Variants in LIMK2 observed in about 807,000 individuals in gnomAD.
The protein encoded by LIMK2 is LIM domain kinase 2.
In LIMK2, 35 loss-of-function variants were observed where a neutral mutation model predicts 75.7. That is an observed-to-expected ratio of 0.46 (90% CI 0.35 to 0.61). LIMK2 has a LOEUF of 0.61. Ranked by LOEUF, LIMK2 falls within the 20% of genes least tolerant of loss-of-function variation. The pLI, the probability that LIMK2 is intolerant of heterozygous loss-of-function variation, is 0.00. For missense variants in LIMK2, 623 were observed against 831.0 expected (o/e 0.75, Z 3.08); for synonymous variants, 301 against 319.2 (o/e 0.94, Z 0.61).
intron 2 of LIMK2, among the ~76,000 whole-genome samples, chr22:31,250,377 G>A (rs1490698331): frequency 6.6e-6 from 1 of 152,110 alleles, no homozygotes; most frequent in African/African-American, 2.4e-5. Context: ...AACTTCTCAG[G>A]AAGAGGAGAA....
chr22:31,250,840 AG>A (rs2048718027), intron 2 of LIMK2, among the ~76,000 whole-genome samples: 1 of 152,214 alleles, frequency 6.6e-6, no homozygotes, highest in Non-Finnish European at 1.5e-5. Flanking sequence ...GCTCCTGAAC[AG>A]GGTCCTTGCT....
chr22:31,262,712 A>G lies in LIMK2; in HGVS notation c.775A>G (p.Asn259Asp), dbSNP rs773511360. 11 of 1,614,022 alleles carry G rather than the reference A, an allele frequency of 6.8e-6. No homozygotes were observed. The highest frequency in any genetic ancestry group is 8.5e-6 in the Non-Finnish European group (10 of 1,180,020). The part of the protein sequence containing the change: ...LEARLAPHMQ[N>D]AGHPHALSTL... Reference sequence around the variant, plus strand: ...GGCCCGGCTCGCTCCTCACATGCAGAATGCCGGACACCCCCACGCCCTCAG... The same window carrying G: ...GGCCCGGCTCGCTCCTCACATGCAGGATGCCGGACACCCCCACGCCCTCAG... Residue 259 changes from asparagine (N) to aspartate (D), a missense_variant, in exon 7 of 16, where the codon AAT (asparagine) becomes GAT (aspartate). Asn to Asp is a conservative substitution (Grantham distance 23). Around this residue, in one of 3 missense-constraint regions of LIMK2, gnomAD observed 514 missense variants for 661.3 expected, o/e 0.78. Coordinates refer to ENST00000331728, the MANE Select transcript of LIMK2 (RefSeq NM_005569.4). This position sits in a 1 kb window ranked among gnomAD's most constrained non-coding sequence, Gnocchi z 5.0.
chr22:31,219,772 C>T (rs1212612727), intron 1 of LIMK2, among the ~76,000 whole-genome samples: 1 of 152,110 alleles, frequency 6.6e-6, no homozygotes, highest in Admixed American at 6.6e-5. Flanking sequence ...TAGGGTTTCA[C>T]CGTGTTAGCC....
chr22:31,251,239 T>G (rs2048722831), intron 2 of LIMK2, among the ~76,000 whole-genome samples: 1 of 152,240 alleles, frequency 6.6e-6, no homozygotes, highest in South Asian at 2.1e-4. Context: ...GAATTTCACT[T>G]AATGTCCAAT....
intron 1 of LIMK2, among the ~76,000 whole-genome samples, chr22:31,216,581 C>T (rs1257289840): frequency 6.6e-6 from 1 of 152,108 alleles, no homozygotes; most frequent in Non-Finnish European, 1.5e-5. Context: ...GAAGAAGGCA[C>T]CAACCAATAA....
In LIMK2 at chr22:31,262,648, T is replaced by C. The variant is rs2048852415; in HGVS notation, c.711T>C (p.His237=). The C allele has an allele frequency of 6.2e-7, 1 of 1,614,164 alleles. No individual in the cohort carries two copies. The highest frequency in any genetic ancestry group is 2.2e-5 in the East Asian group (1 of 44,884). The part of the protein sequence containing the change: ...TSQTLQLLIE[H]DPVSQRLDQL... ...AGACACTTCAGCTGTTGATTGAACA[T>C]GACCCCGTCTCCCAACGCCTGGACC... Residue 237 remains histidine (H), a synonymous_variant, in exon 7 of 16, where the codon CAT becomes CAC. Transcript: ENST00000331728. The surrounding 1 kb of genome is among the most constrained non-coding windows in gnomAD (Gnocchi z 5.0).
intron 2 of LIMK2, among the ~76,000 whole-genome samples, chr22:31,257,347 T>C (rs1011960205): frequency 6.6e-6 from 1 of 152,184 alleles, no homozygotes; most frequent in Non-Finnish European, 1.5e-5. Context: ...TCATGATTTG[T>C]TAATGTTATG....
At chr22:31,267,156 A>G in intron 9 of LIMK2, 86 bp downstream of exon 9, 1 of 760,656 alleles carries the variant, frequency 1.3e-6, no homozygotes, top group Non-Finnish European at 2.2e-6. Flanking sequence ...GAGAAAATAC[A>G]GTTTGGAATT....
chr22:31,227,985 G>A (rs1200834695), intron 2 of LIMK2, among the ~76,000 whole-genome samples: 12 of 151,960 alleles, frequency 7.9e-5, no homozygotes, highest in Admixed American at 7.9e-4. Flanking sequence ...TCATTTGTAG[G>A]TCTAGTCAGA....
chr22:31,241,096 T>G (rs2048620306), intron 2 of LIMK2, among the ~76,000 whole-genome samples: 1 of 152,116 alleles, frequency 6.6e-6, no homozygotes, highest in Non-Finnish European at 1.5e-5. Context: ...TTGTTTAAAA[T>G]GCAGATTCTT....
intron 4 of LIMK2, 143 bp from the exon 5 acceptor site, chr22:31,259,746 C>A: frequency 9.2e-6 from 6 of 650,092 alleles, no homozygotes; most frequent in Non-Finnish European, 9.5e-6. Context: ...GCTCCTCATT[C>A]TGAGCAGCCA....
chr22:31,277,093 G>C lies in LIMK2; in HGVS notation c.1773-1204G>C, dbSNP rs1054411543. ...AGAGGCCTTCATCTCTGGCCTGCTG[G>C]ACAAGATCCGGGCCATGCAGAAGCT... On this transcript the variant is annotated intron_variant, in intron 15 of 15. Coordinates refer to ENST00000331728, the MANE Select transcript of LIMK2 (RefSeq NM_005569.4). 19 of 1,613,936 alleles carry C rather than the reference G, an allele frequency of 1.2e-5. No homozygotes were observed. The highest frequency in any genetic ancestry group is 1.5e-5 in the Non-Finnish European group (18 of 1,179,872).
intron 2 of LIMK2, chr22:31,248,745 A>G (rs201583383): frequency 6.2e-7 from 1 of 1,614,122 alleles, no homozygotes; most frequent in African/African-American, 1.3e-5. Flanking sequence ...GTCCCGGCTT[A>G]CTTCACCTCC....
intron 2 of LIMK2, among the ~76,000 whole-genome samples, chr22:31,256,386 G>A (rs770754978): frequency 6.6e-6 from 1 of 151,266 alleles, no homozygotes; most frequent in Non-Finnish European, 1.5e-5. Flanking sequence ...TGTCACCCAG[G>A]CTGGAGTGCA....
chr22:31,220,569 T>C (rs1555884901), intron 1 of LIMK2, among the ~76,000 whole-genome samples: 2 of 152,118 alleles, frequency 1.3e-5, no homozygotes, highest in African/African-American at 2.4e-5. Flanking sequence ...GAGAAACATA[T>C]GCAGTGAACT....
intron 2 of LIMK2, among the ~76,000 whole-genome samples, chr22:31,243,435 A>G (rs1214827481): frequency 1.3e-5 from 2 of 152,160 alleles, no homozygotes; most frequent in Non-Finnish European, 2.9e-5. Flanking sequence ...TGGGTTTTGA[A>G]TTGTTTGACC....
In LIMK2 at chr22:31,272,569, C is replaced by T; in HGVS notation, c.1423C>T (p.Leu475Phe). The stretch of plus-strand genomic sequence containing the variant: ...GGTGGCAGACTTTGGGCTGTCACGG[C>T]TCATAGTGGAAGAGAGGAAAAGGGC... The part of the protein sequence containing the change: ...VVVADFGLSR[L>F]IVEERKRAPM... Residue 475 changes from leucine (L) to phenylalanine (F), a missense_variant, in exon 13 of 16, where the codon CTC becomes TTC. Leu to Phe is a conservative substitution (Grantham distance 22, BLOSUM62 0). Around this residue, in one of 3 missense-constraint regions of LIMK2, gnomAD observed 514 missense variants for 661.3 expected, o/e 0.78. Transcript: ENST00000331728. The T allele has an allele frequency of 6.2e-7, 1 of 1,613,706 alleles. No homozygotes were observed.
At chr22:31,224,020 C>T (rs939048316) in intron 1 of LIMK2, among the ~76,000 whole-genome samples, 5 of 152,170 alleles carry the variant, frequency 3.3e-5, no homozygotes, top group East Asian at 3.9e-4. Context: ...GCCTGTGAAA[C>T]AGGGTTCGGT....
intron 2 of LIMK2, among the ~76,000 whole-genome samples, chr22:31,249,739 G>A (rs1336322751): frequency 6.6e-6 from 1 of 152,098 alleles, no homozygotes; most frequent in African/African-American, 2.4e-5. Flanking sequence ...CGGGATACTA[G>A]TCAGGTGGCC....
Sources: allele counts gnomAD v4.1 joint callset (sites outside exome capture counted in the v4.1 genomes callset), GRCh38; gene constraint gnomAD v4.1.1; regional missense constraint gnomAD v4.1.1; non-coding constraint Gnocchi (gnomAD v3.1); transcripts MANE v1.5; gene names NCBI Gene and HGNC (gene_info 2026-07-23, HGNC 2026-07-21).